The following MUC3A variants were observed in gnomAD, a reference collection of about 807,000 sequenced individuals.
MUC3A encodes mucin 3A, cell surface associated.
Under a neutral mutation model 109.0 loss-of-function variants are expected in MUC3A, and 109 were observed. The ratio of observed to expected loss-of-function variants is 1.00; its 90% CI spans 0.86 to 1.17. The LOEUF (loss-of-function observed/expected upper bound fraction) is 1.17, where lower values mean the gene tolerates loss of function less well. Among genes scored for constraint, MUC3A ranks in the 50% most tolerant of loss-of-function variants. The pLI is 0.00. For missense variants in MUC3A, 3,537 were observed against 2,469.4 expected (o/e 1.43, Z -9.16); for synonymous variants, 1,398 against 981.4 (o/e 1.42, Z -7.93).
intron 1 of MUC3A, among the ~76,000 whole-genome samples, chr7:100,950,561 C>T (rs770239522): frequency 5.7e-4 from 87 of 152,406 alleles, no homozygotes; most frequent in Non-Finnish European, 9.0e-4. Flanking sequence ...TAGGTTGAGA[C>T]GTGACACCCC....
chr7:100,967,426 C>G lies in MUC3A; in HGVS notation c.*264C>G, dbSNP rs1448103295. On this transcript the variant is annotated 3_prime_UTR_variant, in exon 12 of 12. Coordinates refer to ENST00000379458, the MANE Select transcript of MUC3A (RefSeq NM_005960.2). ...AGCCTCAGTTTCCTCACCTGCAAAA[C>G]GGGTACAGCATTCCTGTATGATAGC... The G allele has an allele frequency of 5.0e-6, 3 of 605,376 alleles. No individual in the cohort carries two copies. In the African/African-American group the frequency reaches 5.6e-5, roughly 11 times the overall value. The allele number at this position is 605,376 out of a possible 1,614,324, so 37.5% of individuals were successfully genotyped here. A position where few individuals can be genotyped will look rare whatever the true frequency, so the allele number is the denominator to read the frequency against.
Position 100,960,522 on chromosome 7 carries a change from C to G in MUC3A, c.8743C>G (p.Pro2915Ala). The G allele has an allele frequency of 3.8e-6, 6 of 1,598,654 alleles. No homozygotes were observed. Among genetic ancestry groups the G allele is most frequent in the Non-Finnish European group, 5.1e-6 (6 of 1,179,766 alleles). ...TSSKSTHPSP[P>A]TTRTSETPVA... ...AAGCAAGTCAACACACCCCTCCCCA[C>G]CCACCACTAGGACTTCAGAGACACC... is the stretch of plus-strand genomic sequence containing the variant. The change falls in exon 2 of 12, where the codon CCC becomes GCC. Residue 2915 changes from proline to alanine, a missense_variant. Physicochemically the swap from Pro to Ala is conservative, Grantham distance 27. Transcript: ENST00000379458.
Position 100,967,567 on chromosome 7 carries a change from C to A in MUC3A, c.*405C>A. 1 of 423,720 alleles carries A rather than the reference C, an allele frequency of 2.4e-6. No homozygotes were observed. Among genetic ancestry groups the A allele is most frequent in the Non-Finnish European group, 4.2e-6 (1 of 236,214 alleles). The allele number at this position is 423,720 out of a possible 1,614,324, so 26.2% of individuals were successfully genotyped here. The stretch of plus-strand genomic sequence containing the variant: ...TCTCGGATCCTCCAATCCTCACGTC[C>A]TTCACCTGGTCTCTGGCCCTGGTTC... On this transcript the variant is annotated 3_prime_UTR_variant, in exon 12 of 12. Coordinates refer to ENST00000379458, the MANE Select transcript of MUC3A (RefSeq NM_005960.2).
Position 100,959,862 on chromosome 7 carries a change from T to C in MUC3A, c.8083T>C (p.Ser2695Pro), listed in dbSNP as rs780250432. 3 of 1,558,914 alleles carry C rather than the reference T, an allele frequency of 1.9e-6. No homozygotes were observed. The highest frequency in any genetic ancestry group is 2.6e-6 in the Non-Finnish European group (3 of 1,160,384). ...TPTIIMSSSP[S>P]SASITPVFST... The stretch of plus-strand genomic sequence containing the variant: ...CACTATTATCATGTCCTCTTCTCCA[T>C]CTTCTGCCAGCATAACTCCAGTGTT... Residue 2695 changes from serine to proline, a missense_variant, in exon 2 of 12, where the codon TCT becomes CCT. Transcript: ENST00000379458.
intron 5 of MUC3A, chr7:100,964,063 G>A (rs902323176): frequency 1.1e-5 from 6 of 521,792 alleles, no homozygotes; most frequent in African/African-American, 5.8e-5. Flanking sequence ...GTCAGCATTA[G>A]AAAGAGAGAG....
Position 100,960,345 on chromosome 7 carries a change from C to A in MUC3A, c.8566C>A (p.Pro2856Thr), listed in dbSNP as rs770996577. 2.5e-6 allele frequency: 4 copies of A among 1,598,434 alleles called. No individual in the cohort carries two copies. The highest frequency in any genetic ancestry group is 1.3e-5 in the African/African-American group (1 of 74,964). ...CAGTTCCACTGGCACTGGGACTGTA[C>A]CCACAAACACAGTTTTCACAAGTAC... The part of the protein sequence containing the change: ...ASSSTGTGTV[P>T]TNTVFTSTRL... The change falls in exon 2 of 12, where the codon CCC (proline) becomes ACC (threonine). Residue 2856 changes from proline (P) to threonine (T), a missense_variant. Transcript: ENST00000379458.
Position 100,955,448 on chromosome 7 carries a change from A to T in MUC3A, c.3669A>T (p.Thr1223=). 1.7e-6 allele frequency: 1 copy of T among 582,934 alleles called. No individual in the cohort carries two copies. The highest frequency in any genetic ancestry group is 3.0e-6 in the Non-Finnish European group (1 of 331,154). 36.1% of individuals were successfully genotyped at this position (582,934 alleles called of 1,614,324 possible). ...FLTTATDLTS[T]FTVSSSSAMS... ...CTACAGCAACAGACCTCACATCAAC[A>T]TTCACTGTTTCCAGTTCCTCAGCAA... The change falls in exon 2 of 12, where the codon ACA becomes ACT. Residue 1223 remains threonine (T), a synonymous_variant. Transcript: ENST00000379458.
At chr7:100,962,435 A>G (rs1162904310) in intron 3 of MUC3A, among the ~76,000 whole-genome samples, 1 of 152,182 alleles carries the variant, frequency 6.6e-6, no homozygotes, top group Non-Finnish European at 1.5e-5. Flanking sequence ...AAAAAAAGTT[A>G]GGCTGATTAG....
chr7:100,966,174 C>T (rs1458628915), intron 8 of MUC3A: 8 of 536,668 alleles, frequency 1.5e-5, no homozygotes, highest in Non-Finnish European at 1.7e-5. Context: ...GGAGCCCTGC[C>T]CACTTGATCT....
intron 5 of MUC3A, chr7:100,964,047 G>T: frequency 1.7e-6 from 1 of 582,386 alleles, no homozygotes; most frequent in Non-Finnish European, 3.0e-6. Context: ...CTGCTCTACT[G>T]AGTGGGTCAG....
At chr7:100,964,629 G>T in intron 5 of MUC3A, 66 bp from the exon 6 acceptor site, 1 of 1,542,010 alleles carries the variant, frequency 6.5e-7, no homozygotes, top group Non-Finnish European at 8.7e-7. Flanking sequence ...GTTGCTTCTG[G>T]AGGTGCCCCT....
Position 100,964,689 on chromosome 7 carries a change from C to T in MUC3A, c.9234-6C>T, listed in dbSNP as rs772109526. On this transcript the variant is annotated splice_polypyrimidine_tract_variant and splice_region_variant and intron_variant, in intron 5 of 11. Coordinates refer to ENST00000379458, the MANE Select transcript of MUC3A (RefSeq NM_005960.2). ...GGGGCACTCTCTAAGGCTGTGGACC[C>T]CTCAGGAATGGCAGCATCGTGGTGG... 1.9e-6 allele frequency: 3 copies of T among 1,597,868 alleles called. No individual in the cohort carries two copies. The highest frequency in any genetic ancestry group is 2.5e-6 in the Non-Finnish European group (3 of 1,179,388).
chr7:100,966,360 G>T, intron 8 of MUC3A, 26 bp from the exon 9 acceptor site: 1 of 1,315,260 alleles, frequency 7.6e-7, no homozygotes, highest in East Asian at 2.8e-5. Flanking sequence ...GAGGTGAAGA[G>T]GGTCTGACCC....
rs1792704039 is a variant in MUC3A, at chr7:100,968,104, T to G, written c.*942T>G. ...CAGTCCCCAAGGAAAGGCAGCCCCC[T>G]CAGTCTCCCTCCTCCTCATTTCCTT... On this transcript the variant is annotated 3_prime_UTR_variant, in exon 12 of 12. Coordinates refer to ENST00000379458, the MANE Select transcript of MUC3A (RefSeq NM_005960.2). 6.5e-6 allele frequency: 1 copy of G among 153,662 alleles called. No individual in the cohort carries two copies. Among genetic ancestry groups the G allele is most frequent in the Non-Finnish European group, 1.4e-5 (1 of 69,322 alleles). The allele number at this position is 153,662 out of a possible 1,614,324, so 9.5% of individuals were successfully genotyped here.
chr7:100,952,762 C>G lies in MUC3A; in HGVS notation c.983C>G (p.Ser328Cys). 6.4e-7 allele frequency: 1 copy of G among 1,570,544 alleles called. No individual in the cohort carries two copies. The highest frequency in any genetic ancestry group is 8.6e-7 in the Non-Finnish European group (1 of 1,165,898). ...ACACTCCCCACTACCATCAGCAGGT[C>G]TACACCTACATCTGAGACCACCTAC... ...VTTLPTTISR[S>C]TPTSETTYTT... Residue 328 changes from serine (S) to cysteine (C), a missense_variant, in exon 2 of 12, where the codon TCT becomes TGT. Ser to Cys is a moderately radical substitution (Grantham distance 112). Transcript: ENST00000379458.
chr7:100,960,308 A>ATT lies in MUC3A; in HGVS notation c.8529_8530insTT (p.Pro2844PhefsTer31). The ATT allele has an allele frequency of 6.3e-7, 1 of 1,597,814 alleles. No individual in the cohort carries two copies. Among genetic ancestry groups the ATT allele is most frequent in the East Asian group, 2.2e-5 (1 of 44,848 alleles). On this transcript the variant is annotated frameshift_variant, in exon 2 of 12. Transcript: ENST00000379458. LOFTEE classifies it high-confidence loss of function. The stretch of plus-strand genomic sequence containing the variant: ...TGCCAGAAAGTGAGTCCAGCATCTC[A>ATT]CCCAATGCTTCCAGTTCCACTGGCA...
rs778873139 is a variant in MUC3A, at chr7:100,958,828, C to A, written c.7049C>A (p.Thr2350Asn). Residue 2350 changes from threonine (T) to asparagine (N), a missense_variant, in exon 2 of 12, where the codon ACC becomes AAC. Thr to Asn is a moderately conservative substitution (Grantham distance 65). Coordinates refer to ENST00000379458, the MANE Select transcript of MUC3A (RefSeq NM_005960.2). Reference sequence around the variant, plus strand: ...ACTTCTTCGATCACCACCACCGAGACCAACTCTCACAGTACTACCAGCTTC... The same window carrying A: ...ACTTCTTCGATCACCACCACCGAGAACAACTCTCACAGTACTACCAGCTTC... ...SFTSSITTTE[T>N]NSHSTTSFTS... 4.3e-6 allele frequency: 6 copies of A among 1,409,050 alleles called. No homozygotes were observed. In the African/African-American group the frequency reaches 1.2e-4, roughly 29 times the overall value. The allele number at this position is 1,409,050 out of a possible 1,614,324, so 87.3% of individuals were successfully genotyped here. A position where few individuals can be genotyped will look rare whatever the true frequency, so the allele number is the denominator to read the frequency against.
At position 100,966,473 on chromosome 7, in the gene MUC3A, C is replaced by G; in HGVS notation, c.9699C>G (p.Ala3233=). The change falls in exon 9 of 12, where the codon GCC becomes GCG. Residue 3233 remains alanine, a synonymous_variant. Transcript: ENST00000379458. ...HWRALVGGLT[A]GAALLVLLLL... is the part of the protein sequence containing the mutation. Reference sequence around the variant, plus strand: ...GGGCGCTGGTCGGGGGCCTGACGGCCGGCGCCGCGCTGCTGGTGCTGCTGC... The same window carrying G: ...GGGCGCTGGTCGGGGGCCTGACGGCGGGCGCCGCGCTGCTGGTGCTGCTGC... 1 of 1,327,690 alleles carries G rather than the reference C, an allele frequency of 7.5e-7. No homozygotes were observed. Among genetic ancestry groups the G allele is most frequent in the Non-Finnish European group, 9.5e-7 (1 of 1,047,396 alleles). The allele number at this position is 1,327,690 out of a possible 1,614,324, so 82.2% of individuals were successfully genotyped here.
At position 100,954,088 on chromosome 7, in the gene MUC3A, C is replaced by T. The variant is rs1792040753; in HGVS notation, c.2309C>T (p.Thr770Ile). ...TTGGTAACCACCACCACCAAGACCA[C>T]CTCACATAGTACCACCAGCTTCACT... Reference protein sequence around the residue: ...TNLVTTTTKTTSHSTTSFTSS... With the variant: ...TNLVTTTTKTISHSTTSFTSS... Residue 770 changes from threonine (T) to isoleucine (I), a missense_variant, in exon 2 of 12, where the codon ACC becomes ATC. Transcript: ENST00000379458. The T allele has an allele frequency of 1.8e-6, 1 of 570,422 alleles. No individual in the cohort carries two copies. The highest frequency in any genetic ancestry group is 3.0e-5 in the East Asian group (1 of 33,806). The allele number at this position is 570,422 out of a possible 1,614,324, so 35.3% of individuals were successfully genotyped here.
Sources: allele counts gnomAD v4.1 joint callset (sites outside exome capture counted in the v4.1 genomes callset), GRCh38; gene constraint gnomAD v4.1.1; transcripts MANE v1.5; gene names NCBI Gene and HGNC (gene_info 2026-07-23, HGNC 2026-07-21).